CACNA2D1: variants seen among roughly 807,000 people sequenced by gnomAD.
CACNA2D1 encodes the protein voltage-dependent calcium channel subunit alpha-2/delta-1.
Under a neutral mutation model 171.5 loss-of-function variants are expected in CACNA2D1, and 53 were observed. The observed-to-expected ratio is 0.31, with a 90% CI of 0.25 to 0.39. The LOEUF is 0.39. Ranked by LOEUF, CACNA2D1 falls within the 10% of genes least tolerant of loss-of-function variation. CACNA2D1 has a pLI of 1.00. For missense variants in CACNA2D1, 903 were observed against 1,299.8 expected, an observed-to-expected ratio of 0.69 and a Z score of 4.69; for synonymous variants, 442 against 443.1, an observed-to-expected ratio of 1.00 and a Z score of 0.03.
intron 3 of CACNA2D1, among the ~76,000 whole-genome samples, chr7:82,191,221 C>G (rs1319832526): frequency 2.0e-5 from 3 of 151,744 alleles, no homozygotes; most frequent in African/African-American, 4.8e-5. Context: ...CACGTGCTTA[C>G]TATACATTTA....
intron 6 of CACNA2D1, among the ~76,000 whole-genome samples, chr7:82,095,952 G>C (rs905818494): frequency 2.6e-5 from 4 of 152,122 alleles, no homozygotes; most frequent in Non-Finnish European, 5.9e-5. Flanking sequence ...TGTAAATACT[G>C]GCCCAATTTT....
chr7:82,274,488 C>T (rs1809060774), intron 3 of CACNA2D1, among the ~76,000 whole-genome samples: 1 of 152,134 alleles, frequency 6.6e-6, no homozygotes, highest in Non-Finnish European at 1.5e-5. Flanking sequence ...AGAGTGAATG[C>T]TTCATTTAAG....
intron 10 of CACNA2D1, among the ~76,000 whole-genome samples, chr7:82,045,826 G>A (rs1280851442): frequency 1.3e-5 from 2 of 152,098 alleles, no homozygotes; most frequent in African/African-American, 4.8e-5. Context: ...CCATTATATA[G>A]TTGAGGAAAT....
At chr7:82,343,291 G>C (rs942238186) in intron 2 of CACNA2D1, 2 of 152,156 alleles carry the variant, frequency 1.3e-5, no homozygotes, top group Admixed American at 1.3e-4. Context: ...ATTGGTGAGC[G>C]TTCTGCAGCA....
chr7:81,968,858 G>C, intron 29 of CACNA2D1, 29 bp downstream of exon 29: 1 of 1,109,378 alleles, frequency 9.0e-7, no homozygotes, highest in Non-Finnish European at 1.4e-6. Flanking sequence ...AATTTTGATT[G>C]TGTTTTTGTA....
At chr7:82,230,394 T>C (rs1351687592) in intron 3 of CACNA2D1, among the ~76,000 whole-genome samples, 1 of 152,236 alleles carries the variant, frequency 6.6e-6, no homozygotes. Context: ...TCACAATTTA[T>C]ATTGGGTTGT....
chr7:82,334,601 T>C (rs1363711918), intron 3 of CACNA2D1, among the ~76,000 whole-genome samples: 16 of 152,134 alleles, frequency 1.1e-4, no homozygotes, highest in Non-Finnish European at 2.1e-4. Context: ...CAATATGAAT[T>C]TGATAATGCT....
chr7:82,262,421 A>T (rs1322202139), intron 3 of CACNA2D1, among the ~76,000 whole-genome samples: 1 of 152,202 alleles, frequency 6.6e-6, no homozygotes, highest in Non-Finnish European at 1.5e-5. Flanking sequence ...CCATGCTGAG[A>T]AAAGTGCTTT....
At chr7:82,175,190 A>T (rs144007004) in intron 3 of CACNA2D1, among the ~76,000 whole-genome samples, 21 of 152,136 alleles carry the variant, frequency 1.4e-4, no homozygotes, top group East Asian at 1.4e-3. Flanking sequence ...AAAAAAAATC[A>T]TCAGGGATCA....
intron 3 of CACNA2D1, among the ~76,000 whole-genome samples, chr7:82,206,851 T>G (rs1313330038): frequency 6.6e-6 from 1 of 152,178 alleles, no homozygotes; most frequent in East Asian, 1.9e-4. Context: ...ATAATGAAAC[T>G]TATGTATTAT....
intron 3 of CACNA2D1, among the ~76,000 whole-genome samples, chr7:82,305,146 A>T (rs114840985): frequency 1.6e-4 from 25 of 152,282 alleles, no homozygotes; most frequent in African/African-American, 6.0e-4. Flanking sequence ...TAAAATGATA[A>T]TTGTGAAGAA....
At chr7:82,315,113 G>A (rs1814952009) in intron 3 of CACNA2D1, among the ~76,000 whole-genome samples, 1 of 151,462 alleles carries the variant, frequency 6.6e-6, no homozygotes, top group Non-Finnish European at 1.5e-5. Context: ...CTCCAGCCTG[G>A]GTGACAGAGT....
At chr7:82,305,857 T>C (rs1813667902) in intron 3 of CACNA2D1, among the ~76,000 whole-genome samples, 1 of 152,184 alleles carries the variant, frequency 6.6e-6, no homozygotes, top group South Asian at 2.1e-4. Flanking sequence ...TGAAGCTCTT[T>C]TGAAGCTGCA....
intron 3 of CACNA2D1, among the ~76,000 whole-genome samples, chr7:82,270,904 C>A (rs1808537776): frequency 6.6e-6 from 1 of 152,048 alleles, no homozygotes; most frequent in Non-Finnish European, 1.5e-5. Flanking sequence ...GTATTTTCTC[C>A]ATAATCATCT....
chr7:82,175,454 A>G (rs998303938), intron 3 of CACNA2D1, among the ~76,000 whole-genome samples: 3 of 152,046 alleles, frequency 2.0e-5, no homozygotes, highest in Non-Finnish European at 4.4e-5. Flanking sequence ...CTTGTATTAT[A>G]CCTATGTTGA....
Position 82,038,182 on chromosome 7 carries a change from A to G in CACNA2D1, c.933T>C (p.Asn311=), listed in dbSNP as rs748560216. Residue 311 remains asparagine (N), a synonymous_variant, in exon 11 of 39, where the codon AAT becomes AAC. Transcript: ENST00000356860. The stretch of plus-strand genomic sequence containing the variant: ...CTTTCAACACTTTTTTATTTCTTAC[A>G]TTTGCTTGGACAAGGTGCTGAAAAC... The part of the protein sequence containing the change: ...VSCFQHLVQA[N]VRNKKVLKDA... 2 of 1,613,764 alleles carry G rather than the reference A, an allele frequency of 1.2e-6. No individual in the cohort carries two copies. Among genetic ancestry groups the G allele is most frequent in the Non-Finnish European group, 1.7e-6 (2 of 1,179,838 alleles).
At chr7:82,227,016 A>C (rs2129268180) in intron 3 of CACNA2D1, among the ~76,000 whole-genome samples, 1 of 152,308 alleles carries the variant, frequency 6.6e-6, no homozygotes, top group Non-Finnish European at 1.5e-5. Context: ...TTACTTATCC[A>C]AAGTCATGTT....
intron 10 of CACNA2D1, chr7:82,051,002 T>C (rs1805134349): frequency 8.1e-6 from 2 of 246,310 alleles, no homozygotes; most frequent in Non-Finnish European, 1.6e-5. Context: ...TCAAACCAGA[T>C]GTGAGCTTAC....
intron 4 of CACNA2D1, among the ~76,000 whole-genome samples, chr7:82,139,961 T>TATTATTATC (rs1026281746): frequency 6.7e-6 from 1 of 149,718 alleles, no homozygotes; most frequent in African/African-American, 2.4e-5. Flanking sequence ...TTATTATTAT[T>TATTATTATC]ATTATTATTA....
Sources: allele counts gnomAD v4.1 joint callset (sites outside exome capture counted in the v4.1 genomes callset), GRCh38; gene constraint gnomAD v4.1.1; transcripts MANE v1.5; gene names NCBI Gene and HGNC (gene_info 2026-07-23, HGNC 2026-07-21).